The following ITPR3 variants were observed in gnomAD, a reference collection of about 807,000 sequenced individuals.
ITPR3 encodes the protein inositol 1,4,5-trisphosphate receptor type 3.
ITPR3 carries 173 observed loss-of-function variants against 293.2 expected under a neutral mutation model. The ratio of observed to expected loss-of-function variants is 0.59; its 90% CI spans 0.52 to 0.67. ITPR3 has a LOEUF of 0.67. Among genes scored for constraint, ITPR3 ranks in the 30% least tolerant of loss-of-function variants. ITPR3 has a pLI of 0.00. For missense variants in ITPR3, 2,796 were observed against 3,592.1 expected, an observed-to-expected ratio of 0.78 and a Z score of 5.66; for synonymous variants, 1,295 against 1,444.4, an observed-to-expected ratio of 0.90 and a Z score of 2.35.
In ITPR3 at chr6:33,667,220, C is replaced by G; in HGVS notation, c.1643C>G (p.Pro548Arg). Residue 548 changes from proline to arginine, a missense_variant, in exon 15 of 58, where the codon CCC (proline) becomes CGC (arginine). Physicochemically the swap from Pro to Arg is moderately radical, Grantham distance 103. Coordinates refer to ENST00000605930, the MANE Select transcript of ITPR3 (RefSeq NM_002224.4). The surrounding 1 kb of genome is among the most constrained non-coding windows in gnomAD (Gnocchi z 4.4). ...LEELSDQKNA[P>R]YQHMFRLCYR... Reference sequence around the variant, plus strand: ...GAGCTGTCAGACCAGAAGAACGCCCCCTACCAGCACATGTTCCGCCTGTGC... The same window carrying G: ...GAGCTGTCAGACCAGAAGAACGCCCGCTACCAGCACATGTTCCGCCTGTGC... The G allele has an allele frequency of 6.2e-7, 1 of 1,614,006 alleles. No individual in the cohort carries two copies. The highest frequency in any genetic ancestry group is 2.2e-5 in the East Asian group (1 of 44,880).
rs972854901 is a variant in ITPR3 at position 33,683,541 on chromosome 6, A to C, written c.4788+144A>C. On this transcript the variant is annotated intron_variant, in intron 35 of 57. Transcript: ENST00000605930. This position sits in a 1 kb window ranked among gnomAD's most constrained non-coding sequence, Gnocchi z 4.5. Reference sequence around the variant, plus strand: ...GGAAGGGGCTGGTTGGCTTCTCTACACTCTGGGGCTGCTAAGGGCCGACCC... The same window carrying C: ...GGAAGGGGCTGGTTGGCTTCTCTACCCTCTGGGGCTGCTAAGGGCCGACCC... 8.3e-6 allele frequency: 6 copies of C among 725,662 alleles called. No homozygotes were observed. The highest frequency in any genetic ancestry group is 6.2e-5 in the East Asian group (2 of 32,420). The allele number at this position is 725,662 out of a possible 1,614,324, so 45.0% of individuals were successfully genotyped here. A position where few individuals can be genotyped will look rare whatever the true frequency, so the allele number is the denominator to read the frequency against.
chr6:33,681,270 G>A (rs1362205839), intron 33 of ITPR3, among the ~76,000 whole-genome samples: 1 of 152,250 alleles, frequency 6.6e-6, no homozygotes, highest in Non-Finnish European at 1.5e-5. Context: ...TGGGTGGGCG[G>A]ATCCCGGAGT....
At chr6:33,677,699 T>C in intron 28 of ITPR3, 70 bp downstream of exon 28, 2 of 1,562,746 alleles carry the variant, frequency 1.3e-6, no homozygotes, top group Middle Eastern at 3.4e-4. Context: ...ACCTGTATGC[T>C]AGGCCCTAAT....
Position 33,675,763 on chromosome 6 carries a change from C to T in ITPR3, c.3189C>T (p.Thr1063=). 6.2e-7 allele frequency: 1 copy of T among 1,613,120 alleles called. No homozygotes were observed. Among genetic ancestry groups the T allele is most frequent in the Non-Finnish European group, 8.5e-7 (1 of 1,179,840 alleles). The change falls in exon 25 of 58, where the codon ACC becomes ACT. Residue 1063 remains threonine (T), a synonymous_variant. Coordinates refer to ENST00000605930, the MANE Select transcript of ITPR3 (RefSeq NM_002224.4). The surrounding 1 kb of genome is among the most constrained non-coding windows in gnomAD (Gnocchi z 5.0). The part of the protein sequence containing the change: ...RMFLRVLIHL[T]MHDYAPLVSG... Reference sequence around the variant, plus strand: ...TCCTGCGCGTGCTCATCCACCTCACCATGCACGACTATGCGCCGCTGGTCT... The same window carrying T: ...TCCTGCGCGTGCTCATCCACCTCACTATGCACGACTATGCGCCGCTGGTCT...
intron 1 of ITPR3, among the ~76,000 whole-genome samples, chr6:33,636,276 C>G (rs1338681818): frequency 1.3e-5 from 2 of 151,686 alleles, no homozygotes; most frequent in Admixed American, 6.6e-5. Flanking sequence ...CACTCCAGCC[C>G]GGGTGACAGA....
chr6:33,647,565 T>C (rs1004484626), intron 2 of ITPR3, among the ~76,000 whole-genome samples: 1 of 152,222 alleles, frequency 6.6e-6, no homozygotes, highest in Non-Finnish European at 1.5e-5. Context: ...TCTCTGTTTC[T>C]ATGAATTTGA....
At position 33,621,494 on chromosome 6, in the gene ITPR3, G is replaced by A; in HGVS notation, c.-109G>A. On this transcript the variant is annotated 5_prime_UTR_variant, in exon 1 of 58. Transcript: ENST00000605930. This position sits in a 1 kb window ranked among gnomAD's most constrained non-coding sequence, Gnocchi z 7.7. ...GGCCGCACCGAGCGTCGGGATCCGA[G>A]GTGGGAGCGTACCCCTCCCCGCTCC... is the stretch of plus-strand genomic sequence containing the variant. 1.4e-6 allele frequency: 1 copy of A among 723,860 alleles called. No individual in the cohort carries two copies. Among genetic ancestry groups the A allele is most frequent in the Non-Finnish European group, 2.3e-6 (1 of 435,004 alleles). The allele number at this position is 723,860 out of a possible 1,614,324, so 44.8% of individuals were successfully genotyped here. A position where few individuals can be genotyped will look rare whatever the true frequency, so the allele number is the denominator to read the frequency against.
chr6:33,629,254 T>G (rs1439915618), intron 1 of ITPR3, among the ~76,000 whole-genome samples: 2 of 152,214 alleles, frequency 1.3e-5, no homozygotes, highest in Non-Finnish European at 2.9e-5. Flanking sequence ...TATTTTATTA[T>G]ACATCCCTAT....
At position 33,664,017 on chromosome 6, in the gene ITPR3, C is replaced by T; in HGVS notation, c.1148+137C>T. On this transcript the variant is annotated intron_variant, in intron 11 of 57. Coordinates refer to ENST00000605930, the MANE Select transcript of ITPR3 (RefSeq NM_002224.4). The surrounding 1 kb of genome is among the most constrained non-coding windows in gnomAD (Gnocchi z 4.4). ...CTCTGGGGTCTCTGTAGGTCCCATC[C>T]CTCTGGGGATCTAGCTCTGAGTCTG... The T allele has an allele frequency of 1.9e-6, 2 of 1,055,964 alleles. No individual in the cohort carries two copies. The highest frequency in any genetic ancestry group is 2.7e-6 in the Non-Finnish European group (2 of 742,962). 65.4% of individuals were successfully genotyped at this position (1,055,964 alleles called of 1,614,324 possible). A position where few individuals can be genotyped will look rare whatever the true frequency, so the allele number is the denominator to read the frequency against.
At chr6:33,648,066 C>CTTT (rs35776559) in intron 2 of ITPR3, among the ~76,000 whole-genome samples, 6 of 130,434 alleles carry the variant, frequency 4.6e-5, no homozygotes, top group Non-Finnish European at 6.7e-5. Flanking sequence ...ATTTCTTTTT[C>CTTT]TTTTTTTTTT....
intron 1 of ITPR3, among the ~76,000 whole-genome samples, chr6:33,622,110 G>C (rs1046754434): frequency 6.6e-6 from 1 of 152,128 alleles, no homozygotes. Context: ...CTTGGAGCCC[G>C]TAATCCTCTA....
At chr6:33,643,960 G>C (rs1053124364) in intron 2 of ITPR3, among the ~76,000 whole-genome samples, 1 of 152,230 alleles carries the variant, frequency 6.6e-6, no homozygotes, top group Non-Finnish European at 1.5e-5. Flanking sequence ...GGGAGGCCGA[G>C]GCAGTCAGGT....
rs761452712 is a variant in ITPR3 at position 33,678,697 on chromosome 6, A to C, written c.3830A>C (p.Glu1277Ala). The stretch of plus-strand genomic sequence containing the variant: ...CTGAACAACTATCAGCTCTGCTCCG[A>C]GATCAGCGAGCCTGTGTTGCAGCAC... ...IFLNNYQLCSEISEPVLQHFV... is the reference protein window; with the variant it reads ...IFLNNYQLCSAISEPVLQHFV... Residue 1277 changes from glutamate to alanine, a missense_variant, in exon 30 of 58, where the codon GAG becomes GCG. Coordinates refer to ENST00000605930, the MANE Select transcript of ITPR3 (RefSeq NM_002224.4). 6.2e-7 allele frequency: 1 copy of C among 1,613,190 alleles called. No individual in the cohort carries two copies.
intron 16 of ITPR3, 69 bp from the exon 17 acceptor site, chr6:33,668,446 G>T: frequency 6.2e-7 from 1 of 1,600,478 alleles, no homozygotes. Flanking sequence ...GAAGGGGAAG[G>T]GTGGGCTCTG....
chr6:33,623,151 A>G (rs1227069015), intron 1 of ITPR3, among the ~76,000 whole-genome samples: 1 of 151,944 alleles, frequency 6.6e-6, no homozygotes, highest in African/African-American at 2.4e-5. Context: ...ACCTCTGATA[A>G]AGCTGAGGGA....
In ITPR3 at chr6:33,667,317, C is replaced by A. The variant is rs763608971; in HGVS notation, c.1713+27C>A. 15 of 1,603,848 alleles carry A rather than the reference C, an allele frequency of 9.4e-6. No homozygotes were observed. The highest frequency in any genetic ancestry group is 1.3e-5 in the African/African-American group (1 of 74,748). ...TGCGCCGCTGCCCTGCTGGCCCACTCGCTGGCTGCACGTTCCTTCCTCAGC... is the reference window on the plus strand; with the variant it reads ...TGCGCCGCTGCCCTGCTGGCCCACTAGCTGGCTGCACGTTCCTTCCTCAGC... On this transcript the variant is annotated intron_variant, in intron 15 of 57. Transcript: ENST00000605930. The surrounding 1 kb of genome is among the most constrained non-coding windows in gnomAD (Gnocchi z 4.4).
At chr6:33,695,376 G>C in intron 57 of ITPR3, 2 of 558,544 alleles carry the variant, frequency 3.6e-6, no homozygotes, top group Non-Finnish European at 6.4e-6. Context: ...TCCTTTGAGG[G>C]GATCCCCATC....
chr6:33,681,189 C>T (rs558682648), intron 33 of ITPR3, among the ~76,000 whole-genome samples: 14 of 152,218 alleles, frequency 9.2e-5, no homozygotes, highest in Non-Finnish European at 1.5e-4. Context: ...AACAAGCATT[C>T]GCTATCTCAG....
Position 33,664,288 on chromosome 6 carries a change from C to T in ITPR3, c.1148+408C>T, listed in dbSNP as rs1382514151. 1.3e-5 allele frequency among the ~76,000 whole-genome samples: 2 copies of T among 152,048 alleles called. No individual in the cohort carries two copies. The highest frequency in any genetic ancestry group is 2.9e-5 in the Non-Finnish European group (2 of 68,036). The stretch of plus-strand genomic sequence containing the variant: ...CTTTGGCGTGTCCTTAGCTGTATGA[C>T]CTCAGGCTGCTACTCACTCTGCCTC... On this transcript the variant is annotated intron_variant, in intron 11 of 57. Transcript: ENST00000605930. This position sits in a 1 kb window ranked among gnomAD's most constrained non-coding sequence, Gnocchi z 4.4.
Sources: allele counts gnomAD v4.1 joint callset (sites outside exome capture counted in the v4.1 genomes callset), GRCh38; gene constraint gnomAD v4.1.1; non-coding constraint Gnocchi (gnomAD v3.1); transcripts MANE v1.5; gene names NCBI Gene and HGNC (gene_info 2026-07-23, HGNC 2026-07-21).